The following FRMD4A variants were observed in gnomAD, a reference collection of about 807,000 sequenced individuals.
The protein encoded by FRMD4A is FERM domain containing 4A.
Under a neutral mutation model 129.1 loss-of-function variants are expected in FRMD4A, and 29 were observed. That is an observed-to-expected ratio of 0.22 (90% CI 0.17 to 0.31). The LOEUF is 0.31. Among genes scored for constraint, FRMD4A ranks in the 10% least tolerant of loss-of-function variants. FRMD4A has a pLI of 1.00. For synonymous variants in FRMD4A, 634 were observed against 571.6 expected, an observed-to-expected ratio of 1.11 and a Z score of -1.56; for missense variants, 1,272 against 1,375.8, an observed-to-expected ratio of 0.92 and a Z score of 1.19.
intron 3 of FRMD4A, among the ~76,000 whole-genome samples, chr10:13,850,347 C>T (rs1225711475): frequency 6.6e-6 from 1 of 152,112 alleles, no homozygotes; most frequent in East Asian, 1.9e-4. Context: ...ATTTTACTGA[C>T]AGCCCATATT....
At position 13,649,398 on chromosome 10, in the gene FRMD4A, T is replaced by G. The variant is rs966345099; in HGVS notation, c.*3-2363A>C. The G allele has an allele frequency of 3.9e-5, 6 of 152,256 alleles. No individual in the cohort carries two copies. The East Asian group carries it at 1.2e-3, about 29-fold the overall frequency. The allele number at this position is 152,256 out of a possible 1,614,324, so 9.4% of individuals were successfully genotyped here. A position where few individuals can be genotyped will look rare whatever the true frequency, so the allele number is the denominator to read the frequency against. On this transcript the variant is annotated intron_variant, in intron 24 of 24. Transcript: ENST00000357447. ...TCTCCTGTGGTTCATTATGGAGGCTTCTGGGTCACAGAACCCACATATGAG... is the reference window on the plus strand; with the variant it reads ...TCTCCTGTGGTTCATTATGGAGGCTGCTGGGTCACAGAACCCACATATGAG...
At chr10:14,040,148 C>T (rs1204679750) in intron 2 of FRMD4A, among the ~76,000 whole-genome samples, 1 of 152,130 alleles carries the variant, frequency 6.6e-6, no homozygotes, top group Non-Finnish European at 1.5e-5. Context: ...CAGAGTCACA[C>T]AGCCAGTCGA....
At chr10:13,827,416 T>G (rs1484117903) in intron 3 of FRMD4A, among the ~76,000 whole-genome samples, 4 of 152,166 alleles carry the variant, frequency 2.6e-5, no homozygotes, top group African/African-American at 9.7e-5. Flanking sequence ...ATATTCTGGG[T>G]GAGACCTGAT....
At chr10:13,868,845 G>C (rs921288316) in intron 2 of FRMD4A, among the ~76,000 whole-genome samples, 29 of 152,274 alleles carry the variant, frequency 1.9e-4, no homozygotes, top group African/African-American at 6.7e-4. Flanking sequence ...TCAGGTTCTT[G>C]GTGGCTGGAT....
At chr10:14,048,941 TAAC>T (rs1368107024) in intron 2 of FRMD4A, among the ~76,000 whole-genome samples, 14 of 152,266 alleles carry the variant, frequency 9.2e-5, no homozygotes, top group Non-Finnish European at 1.9e-4. Context: ...GATGGGCCTG[TAAC>T]AACAAAGTGT....
chr10:14,038,368 A>C (rs1475561253), intron 2 of FRMD4A, among the ~76,000 whole-genome samples: 1 of 152,236 alleles, frequency 6.6e-6, no homozygotes, highest in African/African-American at 2.4e-5. Flanking sequence ...GGCAATTTAC[A>C]AGAATCTTTA....
intron 2 of FRMD4A, among the ~76,000 whole-genome samples, chr10:14,005,906 C>A (rs988920577): frequency 6.6e-6 from 1 of 152,176 alleles, no homozygotes; most frequent in East Asian, 1.9e-4. Flanking sequence ...GAAAGCCTTA[C>A]AGAAATGTAA....
chr10:14,278,626 C>T (rs760037432), intron 2 of FRMD4A, among the ~76,000 whole-genome samples: 11 of 152,166 alleles, frequency 7.2e-5, no homozygotes, highest in Non-Finnish European at 1.5e-4. Flanking sequence ...AGAAGCGGCA[C>T]GTGTTAGGTG....
intron 2 of FRMD4A, among the ~76,000 whole-genome samples, chr10:13,921,595 A>T (rs2095074111): frequency 6.6e-6 from 1 of 152,160 alleles, no homozygotes; most frequent in Admixed American, 6.5e-5. Flanking sequence ...AATACCATTC[A>T]TGAGGGCTCA....
At chr10:14,077,120 TGA>T (rs1358854713) in intron 2 of FRMD4A, among the ~76,000 whole-genome samples, 1 of 151,970 alleles carries the variant, frequency 6.6e-6, no homozygotes, top group Non-Finnish European at 1.5e-5. Flanking sequence ...CCTAGAGGAG[TGA>T]GGAGACACCA....
chr10:13,927,275 C>T (rs574910691), intron 2 of FRMD4A, among the ~76,000 whole-genome samples: 5 of 151,768 alleles, frequency 3.3e-5, no homozygotes, highest in South Asian at 2.1e-4. Flanking sequence ...AAAAAAAATT[C>T]GGTTGAGAAT....
intron 2 of FRMD4A, among the ~76,000 whole-genome samples, chr10:14,171,725 T>C (rs1471384362): frequency 6.6e-6 from 1 of 152,228 alleles, no homozygotes; most frequent in Non-Finnish European, 1.5e-5. Flanking sequence ...TTGCATGATG[T>C]CCAATTTACC....
chr10:13,873,612 T>C (rs896363387), intron 2 of FRMD4A, among the ~76,000 whole-genome samples: 3 of 152,190 alleles, frequency 2.0e-5, no homozygotes, highest in Non-Finnish European at 4.4e-5. Context: ...AATGGTACGA[T>C]CTCAGCTCAC....
chr10:13,891,026 A>T lies in FRMD4A; in HGVS notation c.46-32114T>A, dbSNP rs76503260. ...GGAATCTTTTCTGAATTCAACGTGC[A>T]CCAACATTTGAGCAGCTGCCTCCAA... On this transcript the variant is annotated intron_variant, in intron 2 of 24. Transcript: ENST00000357447. 6.8e-3 allele frequency: 1,230 copies of T among 181,522 alleles called. 23 individuals carry two copies. Among genetic ancestry groups the T allele is most frequent in the African/African-American group, 0.028 (1,180 of 42,108 alleles). The allele number at this position is 181,522 out of a possible 1,614,324, so 11.2% of individuals were successfully genotyped here. A position where few individuals can be genotyped will look rare whatever the true frequency, so the allele number is the denominator to read the frequency against.
At chr10:13,947,608 G>GCACACA (rs147781803) in intron 2 of FRMD4A, among the ~76,000 whole-genome samples, 4 of 148,664 alleles carry the variant, frequency 2.7e-5, no homozygotes, top group East Asian at 2.0e-4. Flanking sequence ...ACACACACGT[G>GCACACA]CACACACACA....
intron 5 of FRMD4A, among the ~76,000 whole-genome samples, chr10:13,795,650 T>C (rs1019135287): frequency 1.9e-4 from 29 of 152,234 alleles, no homozygotes; most frequent in African/African-American, 7.0e-4. Flanking sequence ...GACTGAGGCA[T>C]CAGCACTTAA....
chr10:13,660,124 G>A (rs1035460675), intron 20 of FRMD4A, among the ~76,000 whole-genome samples, 192 bp downstream of exon 20: 1 of 152,226 alleles, frequency 6.6e-6, no homozygotes, highest in Non-Finnish European at 1.5e-5. Context: ...ATTTCTCTGA[G>A]TCACAAAAAT....
intron 2 of FRMD4A, among the ~76,000 whole-genome samples, chr10:14,000,898 G>C (rs913131384): frequency 1.3e-5 from 2 of 152,122 alleles, no homozygotes; most frequent in South Asian, 4.2e-4. Flanking sequence ...TAACTATCCA[G>C]AGACTCTCCT....
intron 8 of FRMD4A, among the ~76,000 whole-genome samples, chr10:13,754,600 G>C (rs934627426): frequency 1.5e-5 from 2 of 136,226 alleles, no homozygotes; most frequent in Non-Finnish European, 3.2e-5. Context: ...GTGTGTGTGT[G>C]TAAAACAGTA....
Sources: gnomAD v4.1 joint callset for allele counts (sites outside exome capture counted in the v4.1 genomes callset) on GRCh38, gnomAD v4.1.1 for gene constraint, MANE v1.5 for transcripts, NCBI Gene and HGNC (gene_info 2026-07-23, HGNC 2026-07-21) for gene names.